Variants in ENPP2 observed in about 807,000 individuals in gnomAD.
The protein encoded by ENPP2 is ectonucleotide pyrophosphatase/phosphodiesterase 2.
A neutral mutation model predicts 120.2 loss-of-function variants in ENPP2; 51 were observed. The ratio of observed to expected loss-of-function variants is 0.42; its 90% CI spans 0.34 to 0.54. ENPP2 has a LOEUF of 0.54. ENPP2 is among the 20% of genes least tolerant of loss of function. The pLI, the probability that ENPP2 is intolerant of heterozygous loss-of-function variation, is 0.04. For synonymous variants in ENPP2, 365 were observed against 366.4 expected, an observed-to-expected ratio of 1.00 and a Z score of 0.04; for missense variants, 920 against 1,066.5, an observed-to-expected ratio of 0.86 and a Z score of 1.91.
rs115198637 is a variant in ENPP2 at position 119,652,433 on chromosome 8, T to C, written c.22-13906A>G. 9.7e-3 allele frequency among the ~76,000 whole-genome samples: 1,472 copies of C among 152,264 alleles called. 24 individuals are homozygous for C. Among genetic ancestry groups the C allele is most frequent in the African/African-American group, 0.034 (1,397 of 41,564 alleles). On this transcript the variant is annotated intron_variant, in intron 1 of 25. Transcript: ENST00000427067. ...GCTCCCTCAATCTATTCATCCCACATCCAGGCTGCCTTAGTGTCCTGCAGA... is the reference window on the plus strand; with the variant it reads ...GCTCCCTCAATCTATTCATCCCACACCCAGGCTGCCTTAGTGTCCTGCAGA...
rs933788249 is a variant in ENPP2, at chr8:119,627,908, G to A, written c.137-1188C>T. On this transcript the variant is annotated intron_variant, in intron 2 of 24. Coordinates refer to ENST00000075322, the MANE Select transcript of ENPP2 (RefSeq NM_001040092.3). ...TATATATGATCTAATTAAAATGAAA[G>A]ACATACCACCTTAAAGGTAAAAATA... Among the ~76,000 whole-genome samples, 80 of 148,408 alleles carry A rather than the reference G, an allele frequency of 5.4e-4. 2 individuals are homozygous for A. Among genetic ancestry groups the A allele is most frequent in the East Asian group, 1.8e-3 (9 of 5,098 alleles).
intron 8 of ENPP2, among the ~76,000 whole-genome samples, chr8:119,615,942 CATAT>C (rs892855948): frequency 6.6e-6 from 1 of 151,938 alleles, no homozygotes; most frequent in African/African-American, 2.4e-5. Flanking sequence ...AAGATGCATG[CATAT>C]ATACACACAG....
chr8:119,599,263 C>T (rs550886601), intron 11 of ENPP2, among the ~76,000 whole-genome samples: 12 of 152,286 alleles, frequency 7.9e-5, no homozygotes, highest in East Asian at 1.9e-4. Flanking sequence ...AGTGGTTTTA[C>T]GTAGCTATTA....
At chr8:119,573,105 T>G (rs1815153580) in intron 19 of ENPP2, 1 of 152,200 alleles carries the variant, frequency 6.6e-6, no homozygotes, top group Non-Finnish European at 1.5e-5. Context: ...GGGGCAGAGA[T>G]ATCTTAAGAT....
At chr8:119,644,623 T>TACACAC (rs1215150255) in intron 1 of ENPP2, among the ~76,000 whole-genome samples, 6 of 97,250 alleles carry the variant, frequency 6.2e-5, no homozygotes, top group African/African-American at 1.6e-4. Context: ...TATATATATA[T>TACACAC]ATACACACAC....
At chr8:119,595,917 G>A in intron 11 of ENPP2, 2 of 1,613,870 alleles carry the variant, frequency 1.2e-6, no homozygotes, top group Non-Finnish European at 1.7e-6. Context: ...CTTTGGAGGA[G>A]CAACTGGTCT....
intron 8 of ENPP2, among the ~76,000 whole-genome samples, chr8:119,608,817 C>T (rs1465285971): frequency 6.6e-6 from 1 of 152,108 alleles, no homozygotes; most frequent in Non-Finnish European, 1.5e-5. Flanking sequence ...ATTTAAAGTC[C>T]TTAAACCAGT....
chr8:119,625,260 A>G (rs1258635049), intron 3 of ENPP2, among the ~76,000 whole-genome samples: 1 of 152,222 alleles, frequency 6.6e-6, no homozygotes, highest in Non-Finnish European at 1.5e-5. Context: ...TTCAGTTTAC[A>G]ATAGTCTCAG....
intron 8 of ENPP2, among the ~76,000 whole-genome samples, chr8:119,608,487 T>A (rs1274575311): frequency 1.3e-5 from 2 of 152,240 alleles, no homozygotes; most frequent in African/African-American, 2.4e-5. Context: ...AATTTTGATT[T>A]TTCCTAAATC....
At chr8:119,590,458 C>T (rs1199346701) in intron 13 of ENPP2, 47 bp downstream of exon 13, 1 of 1,460,038 alleles carries the variant, frequency 6.8e-7, no homozygotes, top group Middle Eastern at 2.4e-4. Flanking sequence ...TTACCTATTC[C>T]TTTGTATTAC....
At position 119,569,182 on chromosome 8, in the gene ENPP2, T is replaced by G. The variant is rs1421549287; in HGVS notation, c.2053+53A>C. On this transcript the variant is annotated intron_variant, in intron 21 of 24. Transcript: ENST00000075322. Reference sequence around the variant, plus strand: ...CCACTGAAATTCCAAATACCAAGATTGCACAATGTGACATCCCTCTGAAGG... The same window carrying G: ...CCACTGAAATTCCAAATACCAAGATGGCACAATGTGACATCCCTCTGAAGG... The G allele has an allele frequency of 5.7e-6, 9 of 1,567,438 alleles. No homozygotes were observed. The South Asian group carries it at 6.8e-5, about 12-fold the overall frequency.
intron 11 of ENPP2, among the ~76,000 whole-genome samples, chr8:119,599,609 G>A (rs1814143081): frequency 2.0e-5 from 3 of 152,104 alleles, no homozygotes; most frequent in Admixed American, 6.5e-5. Flanking sequence ...GAAAATGTGG[G>A]AACATTTCTA....
chr8:119,671,132 CAAAAAAAA>C (rs371191607), intron 1 of ENPP2, among the ~76,000 whole-genome samples: 33 of 115,206 alleles, frequency 2.9e-4, no homozygotes, highest in African/African-American at 9.7e-4. Flanking sequence ...ACTAAAAATA[CAAAAAAAA>C]AAAAAAAAAA....
upstream of ENPP2, among the ~76,000 whole-genome samples, chr8:119,641,606 G>A (rs985935348): frequency 1.6e-4 from 25 of 152,202 alleles, no homozygotes; most frequent in African/African-American, 5.5e-4. Context: ...ACAAATATTT[G>A]TCAACAGTCT....
chr8:119,567,023 C>T (rs1204438149), intron 22 of ENPP2, among the ~76,000 whole-genome samples: 1 of 152,180 alleles, frequency 6.6e-6, no homozygotes, highest in Admixed American at 6.5e-5. Context: ...TGCGGAGGCC[C>T]GCCACTGTAG....
intron 8 of ENPP2, among the ~76,000 whole-genome samples, chr8:119,608,978 A>G (rs1050510749): frequency 6.6e-6 from 1 of 152,172 alleles, no homozygotes; most frequent in African/African-American, 2.4e-5. Flanking sequence ...AAACCCCCTC[A>G]CTTAAAGAAA....
chr8:119,564,995 A>G, intron 22 of ENPP2, 40 bp from the exon 23 acceptor site: 1 of 1,594,982 alleles, frequency 6.3e-7, no homozygotes, highest in Non-Finnish European at 8.6e-7. Flanking sequence ...TTATTCATGA[A>G]GAAAACTCCT....
chr8:119,595,820 A>G (rs762864406), intron 11 of ENPP2: 1 of 1,611,962 alleles, frequency 6.2e-7, no homozygotes, highest in Non-Finnish European at 8.5e-7. Flanking sequence ...GCCCGCCACA[A>G]AGCTTTGGAA....
chr8:119,638,541 G>T lies in ENPP2; in HGVS notation c.34-14C>A. The T allele has an allele frequency of 6.8e-7, 1 of 1,465,102 alleles. No individual in the cohort carries two copies. Among genetic ancestry groups the T allele is most frequent in the Non-Finnish European group, 9.6e-7 (1 of 1,043,996 alleles). The allele number at this position is 1,465,102 out of a possible 1,614,324, so 90.8% of individuals were successfully genotyped here. A position where few individuals can be genotyped will look rare whatever the true frequency, so the allele number is the denominator to read the frequency against. ...CAGGGATATTATCTAAGAGAATAAA[G>T]AGACCAAGTTGTCAAATACAGCTGG... is the stretch of plus-strand genomic sequence containing the variant. On this transcript the variant is annotated splice_polypyrimidine_tract_variant and intron_variant, in intron 1 of 24. Coordinates refer to ENST00000075322, the MANE Select transcript of ENPP2 (RefSeq NM_001040092.3).
Sources: allele counts gnomAD v4.1 joint callset (sites outside exome capture counted in the v4.1 genomes callset), GRCh38; gene constraint gnomAD v4.1.1; transcripts MANE v1.5; gene names NCBI Gene and HGNC (gene_info 2026-07-23, HGNC 2026-07-21).